Variants in TNFAIP1 observed in about 807,000 individuals in gnomAD.
TNFAIP1 encodes the protein TNF alpha induced protein 1.
TNFAIP1 carries 20 observed loss-of-function variants against 32.6 expected under a neutral mutation model. The observed-to-expected ratio is 0.61, with a 90% CI of 0.43 to 0.89. The LOEUF (loss-of-function observed/expected upper bound fraction) is 0.89, where lower values mean the gene tolerates loss of function less well. Among genes scored for constraint, TNFAIP1 ranks in the 40% least tolerant of loss-of-function variants. TNFAIP1 has a pLI of 0.00. For missense variants in TNFAIP1, 319 were observed against 425.1 expected, an observed-to-expected ratio of 0.75 and a Z score of 2.20; for synonymous variants, 166 against 166.8, an observed-to-expected ratio of 1.00 and a Z score of 0.04.
chr17:28,338,520 G>A (rs1416472879), intron 1 of TNFAIP1, among the ~76,000 whole-genome samples: 1 of 151,898 alleles, frequency 6.6e-6, no homozygotes, highest in Non-Finnish European at 1.5e-5. Flanking sequence ...AACACTGGCC[G>A]GCACCCCCGA....
rs1907490173 is a variant in TNFAIP1 at position 28,344,760 on chromosome 17, A to C, written c.*160A>C. The C allele has an allele frequency of 5.8e-6, 4 of 691,350 alleles. No individual in the cohort carries two copies. The highest frequency in any genetic ancestry group is 9.8e-6 in the Non-Finnish European group (4 of 409,238). 42.8% of individuals were successfully genotyped at this position (691,350 alleles called of 1,614,324 possible). A position where few individuals can be genotyped will look rare whatever the true frequency, so the allele number is the denominator to read the frequency against. ...GTCAGAGGGTCTGGGCAGAGGAGGG[A>C]CCACATTCCCCTGCCTTGCCCCTGA... is the stretch of plus-strand genomic sequence containing the variant. On this transcript the variant is annotated 3_prime_UTR_variant, in exon 7 of 7. Transcript: ENST00000226225.
In TNFAIP1 at chr17:28,342,161, G is replaced by A; in HGVS notation, c.519-86G>A. The A allele has an allele frequency of 8.2e-7, 1 of 1,214,850 alleles. No homozygotes were observed. Among genetic ancestry groups the A allele is most frequent in the South Asian group, 1.6e-5 (1 of 61,292 alleles). The allele number at this position is 1,214,850 out of a possible 1,614,324, so 75.3% of individuals were successfully genotyped here. On this transcript the variant is annotated intron_variant, in intron 5 of 6. Transcript: ENST00000226225. The surrounding 1 kb of genome is among the most constrained non-coding windows in gnomAD (Gnocchi z 4.0). ...TTCGGCAGGACAGGATGGGGGAAGGGAGGGAGGGGAGGGCCCCACTTGTCT... is the reference window on the plus strand; with the variant it reads ...TTCGGCAGGACAGGATGGGGGAAGGAAGGGAGGGGAGGGCCCCACTTGTCT...
intron 1 of TNFAIP1, among the ~76,000 whole-genome samples, 162 bp from the exon 2 acceptor site, chr17:28,339,246 A>G (rs1394136517): frequency 1.3e-5 from 2 of 151,060 alleles, no homozygotes; most frequent in Non-Finnish European, 2.9e-5. Flanking sequence ...TCTAAGAAAA[A>G]AAAAAAAAAA....
At chr17:28,343,645 C>G (rs1242384080) in intron 6 of TNFAIP1, among the ~76,000 whole-genome samples, 1 of 151,930 alleles carries the variant, frequency 6.6e-6, no homozygotes, top group Non-Finnish European at 1.5e-5. Flanking sequence ...GGCAGCGCAC[C>G]TGGCATCTTC....
chr17:28,341,038 C>T (rs1186187059), intron 3 of TNFAIP1, among the ~76,000 whole-genome samples, 199 bp from the exon 4 acceptor site: 1 of 152,174 alleles, frequency 6.6e-6, no homozygotes, highest in Admixed American at 6.5e-5. Context: ...AGCTACCGCA[C>T]CCGGCCTGGA....
At chr17:28,337,187 C>T (rs1907204697) in intron 1 of TNFAIP1, among the ~76,000 whole-genome samples, 1 of 152,182 alleles carries the variant, frequency 6.6e-6, no homozygotes, top group Non-Finnish European at 1.5e-5. Context: ...CTCTACCCAG[C>T]AGCAAGTTAT....
At chr17:28,338,492 C>T (rs1250894398) in intron 1 of TNFAIP1, among the ~76,000 whole-genome samples, 1 of 151,344 alleles carries the variant, frequency 6.6e-6, no homozygotes, top group Non-Finnish European at 1.5e-5. Context: ...AGCCGAAGCC[C>T]AGGTAACCTG....
chr17:28,337,795 C>A (rs959008510), intron 1 of TNFAIP1, among the ~76,000 whole-genome samples: 2 of 152,150 alleles, frequency 1.3e-5, no homozygotes, highest in Admixed American at 6.5e-5. Flanking sequence ...TAAATTAGTG[C>A]CTCTCCCTAA....
chr17:28,342,276 T>C lies in TNFAIP1; in HGVS notation c.548T>C (p.Ile183Thr). Residue 183 changes from isoleucine to threonine, a missense_variant, in exon 6 of 7, where the codon ATC becomes ACC. Coordinates refer to ENST00000226225, the MANE Select transcript of TNFAIP1 (RefSeq NM_021137.5). This position sits in a 1 kb window ranked among gnomAD's most constrained non-coding sequence, Gnocchi z 4.0. ...SNSDDHLLKNIELFDKLSLRF... is the reference protein window; with the variant it reads ...SNSDDHLLKNTELFDKLSLRF... ...TCTGACGACCACCTGCTGAAAAACA[T>C]CGAGCTGTTTGACAAGCTCTCCCTG... 1.3e-6 allele frequency: 2 copies of C among 1,587,352 alleles called. No homozygotes were observed. Among genetic ancestry groups the C allele is most frequent in the Non-Finnish European group, 8.6e-7 (1 of 1,157,530 alleles).
rs1028159083 is a variant in TNFAIP1 at position 28,346,895 on chromosome 17, C to T, written c.*2295C>T. 3.9e-5 allele frequency: 6 copies of T among 152,166 alleles called. No homozygotes were observed. Among genetic ancestry groups the T allele is most frequent in the African/African-American group, 1.2e-4 (5 of 41,430 alleles). The allele number at this position is 152,166 out of a possible 1,614,324, so 9.4% of individuals were successfully genotyped here. ...TGACCAAGGTCGGCCTAAAGGATGGCGCAGGTCCTGGGCAGGAAAGAATTT... is the reference window on the plus strand; with the variant it reads ...TGACCAAGGTCGGCCTAAAGGATGGTGCAGGTCCTGGGCAGGAAAGAATTT... On this transcript the variant is annotated 3_prime_UTR_variant, in exon 7 of 7. Transcript: ENST00000226225.
rs979895359 is a variant in TNFAIP1 at position 28,342,155 on chromosome 17, G to A, written c.519-92G>A. On this transcript the variant is annotated intron_variant, in intron 5 of 6. Transcript: ENST00000226225. The surrounding 1 kb of genome is among the most constrained non-coding windows in gnomAD (Gnocchi z 4.0). ...TTTCATTTCGGCAGGACAGGATGGG[G>A]GAAGGGAGGGAGGGGAGGGCCCCAC... is the stretch of plus-strand genomic sequence containing the variant. The A allele has an allele frequency of 3.4e-5, 39 of 1,159,958 alleles. No homozygotes were observed. The highest frequency in any genetic ancestry group is 4.5e-5 in the Non-Finnish European group (38 of 839,412). 71.9% of individuals were successfully genotyped at this position (1,159,958 alleles called of 1,614,324 possible). A position where few individuals can be genotyped will look rare whatever the true frequency, so the allele number is the denominator to read the frequency against.
rs1196095226 is a variant in TNFAIP1, at chr17:28,345,025, G to A, written c.*425G>A. 1 of 191,892 alleles carries A rather than the reference G, an allele frequency of 5.2e-6. No homozygotes were observed. The highest frequency in any genetic ancestry group is 1.1e-5 in the Non-Finnish European group (1 of 90,782). The allele number at this position is 191,892 out of a possible 1,614,324, so 11.9% of individuals were successfully genotyped here. A position where few individuals can be genotyped will look rare whatever the true frequency, so the allele number is the denominator to read the frequency against. ...TTTTTCCTAAGGTGTTTAAGCACAG[G>A]CTTGATAAGTTTGGTTTTTAAAAAA... On this transcript the variant is annotated 3_prime_UTR_variant, in exon 7 of 7. Coordinates refer to ENST00000226225, the MANE Select transcript of TNFAIP1 (RefSeq NM_021137.5).
chr17:28,338,727 TG>T (rs1555577696), intron 1 of TNFAIP1, among the ~76,000 whole-genome samples: 1 of 152,024 alleles, frequency 6.6e-6, no homozygotes. Flanking sequence ...GTTGGAAGTC[TG>T]GGATCCTGGG....
rs1555578852 is a variant in TNFAIP1, at chr17:28,345,637, G to A, written c.*1037G>A. 1.3e-5 allele frequency: 2 copies of A among 152,306 alleles called. No individual in the cohort carries two copies. The highest frequency in any genetic ancestry group is 2.9e-5 in the Non-Finnish European group (2 of 68,080). 9.4% of individuals were successfully genotyped at this position (152,306 alleles called of 1,614,324 possible). On this transcript the variant is annotated 3_prime_UTR_variant, in exon 7 of 7. Transcript: ENST00000226225. ...GTGTTGGCTGGCATGCCCATCAGCT[G>A]AGGACAGCAAACTCCCAGCAGCCCC...
At chr17:28,338,276 T>C (rs1185523740) in intron 1 of TNFAIP1, among the ~76,000 whole-genome samples, 3 of 152,212 alleles carry the variant, frequency 2.0e-5, no homozygotes, top group African/African-American at 7.2e-5. Context: ...TCTCACCTCA[T>C]TGTTTTTAGA....
At chr17:28,336,544 A>G (rs1333071637) in intron 1 of TNFAIP1, 1 of 152,238 alleles carries the variant, frequency 6.6e-6, no homozygotes, top group African/African-American at 2.4e-5. Flanking sequence ...GCTCCTTTGC[A>G]TTGGCAGAAC....
chr17:28,342,986 A>G lies in TNFAIP1; in HGVS notation c.714+544A>G, dbSNP rs1216890069. On this transcript the variant is annotated intron_variant, in intron 6 of 6. Transcript: ENST00000226225. This position sits in a 1 kb window ranked among gnomAD's most constrained non-coding sequence, Gnocchi z 4.0. ...GCCCAGGAGTTCAAGACCACCCTGG[A>G]CAACATGGTGAAACCCCGTCTTTAC... is the stretch of plus-strand genomic sequence containing the variant. Among the ~76,000 whole-genome samples the G allele has an allele frequency of 6.6e-6, 1 of 151,978 alleles. No homozygotes were observed. Among genetic ancestry groups the G allele is most frequent in the Non-Finnish European group, 1.5e-5 (1 of 67,980 alleles).
In TNFAIP1 at chr17:28,342,155, G is replaced by C. The variant is rs979895359; in HGVS notation, c.519-92G>C. 7.8e-6 allele frequency: 9 copies of C among 1,159,958 alleles called. No homozygotes were observed. Among genetic ancestry groups the C allele is most frequent in the Non-Finnish European group, 1.1e-5 (9 of 839,412 alleles). 71.9% of individuals were successfully genotyped at this position (1,159,958 alleles called of 1,614,324 possible). A position where few individuals can be genotyped will look rare whatever the true frequency, so the allele number is the denominator to read the frequency against. ...TTTCATTTCGGCAGGACAGGATGGG[G>C]GAAGGGAGGGAGGGGAGGGCCCCAC... is the stretch of plus-strand genomic sequence containing the variant. On this transcript the variant is annotated intron_variant, in intron 5 of 6. Transcript: ENST00000226225. The surrounding 1 kb of genome is among the most constrained non-coding windows in gnomAD (Gnocchi z 4.0).
chr17:28,342,070 G>A lies in TNFAIP1; in HGVS notation c.519-177G>A, dbSNP rs1340016526. ...ACCAACTGAGTTCCTTTTCCTCACA[G>A]GCCCCCCAACCCAGAGGGTACCCTA... On this transcript the variant is annotated intron_variant, in intron 5 of 6. Coordinates refer to ENST00000226225, the MANE Select transcript of TNFAIP1 (RefSeq NM_021137.5). This position sits in a 1 kb window ranked among gnomAD's most constrained non-coding sequence, Gnocchi z 4.0. 7.2e-5 allele frequency among the ~76,000 whole-genome samples: 11 copies of A among 152,100 alleles called. No homozygotes were observed. The highest frequency in any genetic ancestry group is 2.7e-4 in the African/African-American group (11 of 41,412).
Sources: allele counts gnomAD v4.1 joint callset (sites outside exome capture counted in the v4.1 genomes callset), GRCh38; gene constraint gnomAD v4.1.1; non-coding constraint Gnocchi (gnomAD v3.1); transcripts MANE v1.5; gene names NCBI Gene and HGNC (gene_info 2026-07-23, HGNC 2026-07-21).